KANK4: variants seen among roughly 807,000 people sequenced by gnomAD.
The protein encoded by KANK4 is KN motif and ankyrin repeat domains 4, also known as KN motif and ankyrin repeat domain-containing protein 4.
KANK4 carries 50 observed loss-of-function variants against 80.8 expected under a neutral mutation model. The ratio of observed to expected loss-of-function variants is 0.62; its 90% CI spans 0.49 to 0.78. KANK4 has a LOEUF of 0.78. Among genes scored for constraint, KANK4 ranks in the 30% least tolerant of loss-of-function variants. The pLI is 0.00. For missense variants in KANK4, 1,196 were observed against 1,240.1 expected, an observed-to-expected ratio of 0.96 and a Z score of 0.53; for synonymous variants, 465 against 506.9, an observed-to-expected ratio of 0.92 and a Z score of 1.11.
intron 1 of KANK4, among the ~76,000 whole-genome samples, chr1:62,316,605 G>C (rs905941136): frequency 3.3e-5 from 5 of 152,200 alleles, no homozygotes; most frequent in South Asian, 2.1e-4. Flanking sequence ...AATGGAGCAG[G>C]GAGGTGTGAA....
Position 62,268,406 on chromosome 1 carries a change from G to C in KANK4, c.2112C>G (p.His704Gln). ...TGAGATGGGCATCTTTGACATGCTTGTGATCTGGGCCGTCACACTTCTTCT... is the reference window on the plus strand; with the variant it reads ...TGAGATGGGCATCTTTGACATGCTTCTGATCTGGGCCGTCACACTTCTTCT... Reference protein sequence around the residue: ...EAEKKCDGPDHKHVKDAHLTC... With the variant: ...EAEKKCDGPDQKHVKDAHLTC... The change falls in exon 5 of 10, where the codon CAC (histidine) becomes CAG (glutamine). Residue 704 changes from histidine to glutamine, a missense_variant. Transcript: ENST00000371153. 6.2e-7 allele frequency: 1 copy of C among 1,614,032 alleles called. No individual in the cohort carries two copies. Among genetic ancestry groups the C allele is most frequent in the African/African-American group, 1.3e-5 (1 of 75,042 alleles).
chr1:62,303,786 A>T (rs1480030290), intron 1 of KANK4, among the ~76,000 whole-genome samples: 1 of 152,040 alleles, frequency 6.6e-6, no homozygotes, highest in Non-Finnish European at 1.5e-5. Context: ...GGGTTAAATA[A>T]AATATATTAA....
intron 1 of KANK4, among the ~76,000 whole-genome samples, chr1:62,314,335 T>A (rs1414314403): frequency 6.6e-6 from 1 of 152,066 alleles, no homozygotes; most frequent in Non-Finnish European, 1.5e-5. Flanking sequence ...TTTAAACCTT[T>A]CCCCAGGAGT....
intron 6 of KANK4, among the ~76,000 whole-genome samples, chr1:62,264,254 C>T (rs1269247909): frequency 6.6e-6 from 1 of 152,010 alleles, no homozygotes; most frequent in South Asian, 2.1e-4. Context: ...CCTGTCTCTA[C>T]TAAAAATACA....
intron 7 of KANK4, among the ~76,000 whole-genome samples, chr1:62,260,471 C>T (rs975512917): frequency 1.3e-5 from 2 of 152,050 alleles, no homozygotes; most frequent in Non-Finnish European, 1.5e-5. Context: ...TTCTTCTTCT[C>T]AGTCAAAAAA....
intron 2 of KANK4, 79 bp from the exon 3 acceptor site, chr1:62,275,166 T>G: frequency 1.9e-6 from 2 of 1,069,522 alleles, no homozygotes; most frequent in Non-Finnish European, 2.7e-6. Flanking sequence ...CTAATATCTC[T>G]GATTTTAACT....
chr1:62,300,139 GCTCCAGTCT>G (rs906889698), intron 1 of KANK4, among the ~76,000 whole-genome samples: 6 of 152,092 alleles, frequency 3.9e-5, no homozygotes, highest in African/African-American at 1.4e-4. Flanking sequence ...GGCTCCAGTG[GCTCCAGTCT>G]CTCCACGACT....
chr1:62,257,164 T>C (rs190901780), intron 7 of KANK4, among the ~76,000 whole-genome samples: 1,650 of 151,286 alleles, frequency 0.011, 28 homozygotes, highest in African/African-American at 0.038. Context: ...CTCGGCTCAC[T>C]GTAACCTCCG....
At chr1:62,290,833 C>T (rs1672664192) in intron 1 of KANK4, among the ~76,000 whole-genome samples, 1 of 151,894 alleles carries the variant, frequency 6.6e-6, no homozygotes, top group South Asian at 2.1e-4. Flanking sequence ...CAAGCTCTGC[C>T]TCCTGGGTCC....
chr1:62,269,226 T>C (rs1672101590), intron 4 of KANK4, among the ~76,000 whole-genome samples: 1 of 152,238 alleles, frequency 6.6e-6, no homozygotes, highest in African/African-American at 2.4e-5. Flanking sequence ...CCAGAGGCCA[T>C]GGAGGAAAGT....
At chr1:62,290,914 T>A (rs1412646065) in intron 1 of KANK4, among the ~76,000 whole-genome samples, 1 of 152,052 alleles carries the variant, frequency 6.6e-6, no homozygotes, top group Non-Finnish European at 1.5e-5. Flanking sequence ...CTGGCTAATT[T>A]TTTTTTTCTG....
At chr1:62,299,431 G>C (rs1644393808) in intron 1 of KANK4, among the ~76,000 whole-genome samples, 1 of 152,160 alleles carries the variant, frequency 6.6e-6, no homozygotes, top group African/African-American at 2.4e-5. Context: ...AGAAAAGGTG[G>C]TGAGCTGGTA....
chr1:62,279,196 GCGCACACA>G (rs1204716606), intron 2 of KANK4, among the ~76,000 whole-genome samples: 1 of 51,682 alleles, frequency 1.9e-5, no homozygotes, highest in Non-Finnish European at 4.6e-5. Flanking sequence ...AAGCTAGCGC[GCGCACACA>G]CACACACACA....
intron 1 of KANK4, among the ~76,000 whole-genome samples, 179 bp downstream of exon 1, chr1:62,318,927 C>G (rs1233408222): frequency 6.6e-6 from 1 of 152,206 alleles, no homozygotes; most frequent in Non-Finnish European, 1.5e-5. Context: ...TCGGCCCAAG[C>G]TGCCGCAGCC....
chr1:62,295,071 G>T (rs543774659), intron 1 of KANK4, among the ~76,000 whole-genome samples: 13 of 152,254 alleles, frequency 8.5e-5, no homozygotes, highest in African/African-American at 3.1e-4. Context: ...CAGCTCAAAG[G>T]TGTCACAGAA....
intron 1 of KANK4, among the ~76,000 whole-genome samples, chr1:62,304,888 G>A (rs1048920316): frequency 6.6e-6 from 1 of 152,076 alleles, no homozygotes; most frequent in Non-Finnish European, 1.5e-5. Context: ...GGCCTCAGCT[G>A]CTTATCTGCT....
intron 1 of KANK4, among the ~76,000 whole-genome samples, chr1:62,304,327 G>A (rs926115295): frequency 3.3e-5 from 5 of 152,024 alleles, no homozygotes; most frequent in Non-Finnish European, 7.4e-5. Context: ...GTGCCAGGGA[G>A]CTGTGACCTG....
intron 1 of KANK4, among the ~76,000 whole-genome samples, chr1:62,288,261 A>G (rs1005250533): frequency 3.3e-5 from 5 of 152,210 alleles, no homozygotes; most frequent in African/African-American, 1.2e-4. Flanking sequence ...GAAATGCTCA[A>G]CTTCTATGGC....
chr1:62,258,692 C>T (rs1671809351), intron 7 of KANK4, among the ~76,000 whole-genome samples: 1 of 152,174 alleles, frequency 6.6e-6, no homozygotes, highest in African/African-American at 2.4e-5. Flanking sequence ...GTTAGGGAAA[C>T]AGATAAGACA....
Sources: gnomAD v4.1 joint callset for allele counts (sites outside exome capture counted in the v4.1 genomes callset) on GRCh38, gnomAD v4.1.1 for gene constraint, MANE v1.5 for transcripts, NCBI Gene and HGNC (gene_info 2026-07-23, HGNC 2026-07-21) for gene names.